The following SERINC3 variants were observed in gnomAD, a reference collection of about 807,000 sequenced individuals.
The protein encoded by SERINC3 is serine incorporator 3.
In SERINC3, 22 loss-of-function variants were observed where a neutral mutation model predicts 52.1. The ratio of observed to expected loss-of-function variants is 0.42; its 90% CI spans 0.30 to 0.60. The LOEUF is 0.60. Ranked by LOEUF, SERINC3 falls within the 20% of genes least tolerant of loss-of-function variation. SERINC3 has a pLI of 0.16. For synonymous variants in SERINC3, 226 were observed against 212.7 expected, an observed-to-expected ratio of 1.06 and a Z score of -0.54; for missense variants, 564 against 584.6, an observed-to-expected ratio of 0.96 and a Z score of 0.36.
At chr20:44,514,554 T>A (rs1397920198) in intron 1 of SERINC3, among the ~76,000 whole-genome samples, 1 of 151,678 alleles carries the variant, frequency 6.6e-6, no homozygotes, top group African/African-American at 2.4e-5. Context: ...GGTCAGGAGA[T>A]CGAGACCATC....
chr20:44,500,359 G>A lies in SERINC3; in HGVS notation c.1359C>T (p.Cys453=). 2 of 1,607,268 alleles carry A rather than the reference G, an allele frequency of 1.2e-6. No homozygotes were observed. Among genetic ancestry groups the A allele is most frequent in the Non-Finnish European group, 1.7e-6 (2 of 1,176,916 alleles). Residue 453 remains cysteine, a synonymous_variant, in exon 10 of 10, where the codon TGC becomes TGT. Coordinates refer to ENST00000342374, the MANE Select transcript of SERINC3 (RefSeq NM_006811.4). The stretch of plus-strand genomic sequence containing the variant: ...CAAGGGTCCAGACGTAAAGCAGGAG[G>A]CAGACCCAGCTGGAGCTGATCTTGA... ...VWVKISSSWV[C]LLLYVWTLVA...
chr20:44,512,783 A>C lies in SERINC3; in HGVS notation c.395+18T>G, dbSNP rs764681989. 17 of 1,539,580 alleles carry C rather than the reference A, an allele frequency of 1.1e-5. No homozygotes were observed. In the Middle Eastern group the frequency reaches 5.1e-4, roughly 46 times the overall value. On this transcript the variant is annotated intron_variant, in intron 3 of 9. Coordinates refer to ENST00000342374, the MANE Select transcript of SERINC3 (RefSeq NM_006811.4). Reference sequence around the variant, plus strand: ...AGCCACACCATAATGTAACCAGTTAATCATAAATCTAACATACCCATTGTG... The same window carrying C: ...AGCCACACCATAATGTAACCAGTTACTCATAAATCTAACATACCCATTGTG...
chr20:44,515,884 G>C (rs1316048477), intron 1 of SERINC3, among the ~76,000 whole-genome samples: 1 of 151,900 alleles, frequency 6.6e-6, no homozygotes, highest in African/African-American at 2.4e-5. Context: ...TTGAATTCCT[G>C]AGCTCAGGCA....
chr20:44,510,920 G>C (rs1017593171), intron 4 of SERINC3, among the ~76,000 whole-genome samples: 1 of 151,538 alleles, frequency 6.6e-6, no homozygotes, highest in Non-Finnish European at 1.5e-5. Flanking sequence ...GTTTTGTTTT[G>C]TTTTGTTTTT....
intron 2 of SERINC3, 120 bp downstream of exon 2, chr20:44,513,759 T>C (rs2064362743): frequency 3.7e-6 from 3 of 811,886 alleles, no homozygotes; most frequent in African/African-American, 3.5e-5. Context: ...CACACCCCCA[T>C]ATAAGTAAAA....
chr20:44,501,717 C>T (rs1000831035), intron 8 of SERINC3, among the ~76,000 whole-genome samples: 13 of 152,208 alleles, frequency 8.5e-5, no homozygotes, highest in Non-Finnish European at 1.6e-4. Flanking sequence ...GACACTCCTC[C>T]GACTTCCCAC....
intron 4 of SERINC3, among the ~76,000 whole-genome samples, chr20:44,510,501 G>A (rs1568788175): frequency 6.6e-6 from 1 of 152,176 alleles, no homozygotes; most frequent in African/African-American, 2.4e-5. Context: ...AATGCCTCCT[G>A]ACCTAAATCC....
At chr20:44,511,191 G>A in intron 4 of SERINC3, 98 bp downstream of exon 4, 2 of 846,360 alleles carry the variant, frequency 2.4e-6, no homozygotes, top group Non-Finnish European at 3.9e-6. Flanking sequence ...TGAGCTTACA[G>A]GTGTGAGCCA....
intron 1 of SERINC3, 118 bp downstream of exon 1, chr20:44,521,795 T>C (rs2064418781): frequency 1.9e-6 from 2 of 1,053,230 alleles, no homozygotes; most frequent in Admixed American, 2.1e-5. Flanking sequence ...AGACCCTCTG[T>C]AGCCCAGGGC....
intron 8 of SERINC3, among the ~76,000 whole-genome samples, chr20:44,503,493 C>A (rs2064292388): frequency 6.6e-6 from 1 of 152,060 alleles, no homozygotes; most frequent in South Asian, 2.1e-4. Context: ...ACTAAAAATA[C>A]AAAAATTAGC....
chr20:44,513,532 G>A (rs887229066), intron 2 of SERINC3, among the ~76,000 whole-genome samples: 1 of 152,166 alleles, frequency 6.6e-6, no homozygotes, highest in Admixed American at 6.6e-5. Context: ...TGAAGAGGCT[G>A]TGTGCCACTT....
At position 44,514,031 on chromosome 20, in the gene SERINC3, G is replaced by C. The variant is rs992550420; in HGVS notation, c.49C>G (p.Leu17Val). ...AGCAAACATGAGGCACCGCTGCAGA[G>C]GCATGGAACCTGGAATGAGCACACC... is the stretch of plus-strand genomic sequence containing the variant. ...VFSLASWVPC[L>V]CSGASCLLCS... Residue 17 changes from leucine (L) to valine (V), a missense_variant, in exon 2 of 10, where the codon CTC (leucine) becomes GTC (valine). By Grantham distance (32) the Leu-to-Val change is conservative. Coordinates refer to ENST00000342374, the MANE Select transcript of SERINC3 (RefSeq NM_006811.4). The C allele has an allele frequency of 6.2e-7, 1 of 1,613,872 alleles. No individual in the cohort carries two copies. The highest frequency in any genetic ancestry group is 1.1e-5 in the South Asian group (1 of 91,034).
rs555792170 is a variant in SERINC3, at chr20:44,517,808, G to A, written c.40-3768C>T. Among the ~76,000 whole-genome samples, 93 of 152,304 alleles carry A rather than the reference G, an allele frequency of 6.1e-4. 1 individual carries two copies. Among genetic ancestry groups the A allele is most frequent in the Non-Finnish European group, 4.4e-4 (30 of 68,030 alleles). On this transcript the variant is annotated intron_variant, in intron 1 of 9. Transcript: ENST00000342374. The stretch of plus-strand genomic sequence containing the variant: ...GTTGTCTTAAGAATGTAAATATCTC[G>A]AAGGGGAGACTATCTTTACAACGTT...
intron 3 of SERINC3, 52 bp downstream of exon 3, chr20:44,512,749 G>A: frequency 7.1e-7 from 1 of 1,416,684 alleles, no homozygotes; most frequent in Non-Finnish European, 9.5e-7. Flanking sequence ...ACTGCTGAAG[G>A]GAAGGAAGAG....
intron 1 of SERINC3, 109 bp from the exon 2 acceptor site, chr20:44,514,149 C>A: frequency 8.4e-7 from 1 of 1,183,550 alleles, no homozygotes; most frequent in Non-Finnish European, 1.1e-6. Context: ...AGTTTTAACT[C>A]AGAGAATCAT....
rs1358706369 is a variant in SERINC3 at position 44,498,850 on chromosome 20, A to C, written c.*1446T>G. 1 of 152,190 alleles carries C rather than the reference A, an allele frequency of 6.6e-6. No individual in the cohort carries two copies. The highest frequency in any genetic ancestry group is 6.5e-5 in the Admixed American group (1 of 15,280). The allele number at this position is 152,190 out of a possible 1,614,324, so 9.4% of individuals were successfully genotyped here. On this transcript the variant is annotated 3_prime_UTR_variant, in exon 10 of 10. Transcript: ENST00000342374. The stretch of plus-strand genomic sequence containing the variant: ...AAAGCCCTTTAAAATTCAGTCCCTG[A>C]CTACATTTCCCCATTCCAGCTTTAC...
Position 44,500,044 on chromosome 20 carries a change from T to G in SERINC3, c.*252A>C. On this transcript the variant is annotated 3_prime_UTR_variant, in exon 10 of 10. Transcript: ENST00000342374. ...TAAAGAACTCTCTTCACAGCACAGC[T>G]GTAGTTCACTTTAAACAAAAAATGT... 2.7e-6 allele frequency: 1 copy of G among 365,344 alleles called. No individual in the cohort carries two copies. Among genetic ancestry groups the G allele is most frequent in the Non-Finnish European group, 4.9e-6 (1 of 204,256 alleles). 22.6% of individuals were successfully genotyped at this position (365,344 alleles called of 1,614,324 possible). A position where few individuals can be genotyped will look rare whatever the true frequency, so the allele number is the denominator to read the frequency against.
downstream of SERINC3, chr20:44,496,492 T>C (rs1401433666): frequency 6.6e-6 from 1 of 152,330 alleles, no homozygotes; most frequent in East Asian, 1.9e-4. Context: ...ATACTCACTT[T>C]AGCCTGAATG....
chr20:44,496,793 A>G (rs1206165292), downstream of SERINC3, among the ~76,000 whole-genome samples: 3 of 152,136 alleles, frequency 2.0e-5, no homozygotes, highest in Non-Finnish European at 4.4e-5. Flanking sequence ...AACTCTGTCT[A>G]AAAAAAGAAA....
Sources: allele counts gnomAD v4.1 joint callset (sites outside exome capture counted in the v4.1 genomes callset), GRCh38; gene constraint gnomAD v4.1.1; transcripts MANE v1.5; gene names NCBI Gene and HGNC (gene_info 2026-07-23, HGNC 2026-07-21).